The following ANK2 variants were observed in gnomAD, a reference collection of about 807,000 sequenced individuals.
ANK2 encodes the protein ankyrin-2.
Under a neutral mutation model 360.5 loss-of-function variants are expected in ANK2, and 83 were observed. The observed-to-expected ratio is 0.23, with a 90% CI of 0.19 to 0.28. The LOEUF (loss-of-function observed/expected upper bound fraction) is 0.28, where lower values mean the gene tolerates loss of function less well. ANK2 is among the 10% of genes least tolerant of loss of function. ANK2 has a pLI of 1.00. For missense variants in ANK2, 4,201 were observed against 4,795.7 expected (o/e 0.88, Z 3.66); for synonymous variants, 1,740 against 1,759.5 (o/e 0.99, Z 0.28).
At chr4:113,101,970 A>G (rs775517774) in intron 1 of ANK2, among the ~76,000 whole-genome samples, 8 of 152,180 alleles carry the variant, frequency 5.3e-5, no homozygotes, top group Non-Finnish European at 1.2e-4. Flanking sequence ...TCACCGGTGT[A>G]TGGTGAGGAT....
intron 1 of ANK2, among the ~76,000 whole-genome samples, chr4:113,097,880 A>ATG (rs2091867228): frequency 4.1e-5 from 5 of 122,478 alleles, no homozygotes; most frequent in Admixed American, 3.8e-4. Context: ...ATATATGCAC[A>ATG]CACACACACA....
At chr4:113,311,830 G>T (rs535565582) in intron 24 of ANK2, among the ~76,000 whole-genome samples, 88 of 152,244 alleles carry the variant, frequency 5.8e-4, no homozygotes, top group African/African-American at 1.9e-3. Context: ...AAAGTATGTT[G>T]TGAGGCTGAA....
intron 2 of ANK2, among the ~76,000 whole-genome samples, chr4:112,950,315 A>G (rs2154252213): frequency 6.6e-6 from 1 of 152,360 alleles, no homozygotes; most frequent in East Asian, 1.9e-4. Context: ...AAATGGAAAC[A>G]ATTACATACA....
At chr4:112,799,745 T>C in the ANK2 span, among the ~76,000 whole-genome samples, 19 of 151,752 alleles carry the variant, frequency 1.3e-4, no homozygotes, top group Admixed American at 2.6e-4. Context: ...TTGTAACTCT[T>C]GCCTTCAGGT....
chr4:113,054,690 C>CTT (rs1018438505), intron 1 of ANK2, among the ~76,000 whole-genome samples: 3 of 152,216 alleles, frequency 2.0e-5, no homozygotes, highest in African/African-American at 7.2e-5. Flanking sequence ...AAAATACCAA[C>CTT]TTATAACCCA....
At chr4:113,348,168 T>A (rs2095084492) in intron 35 of ANK2, 108 bp from the exon 36 acceptor site, 6 of 1,092,532 alleles carry the variant, frequency 5.5e-6, no homozygotes, top group Non-Finnish European at 7.0e-6. Flanking sequence ...TGCTTGCCTG[T>A]TGATGCTTGT....
intron 1 of ANK2, among the ~76,000 whole-genome samples, chr4:113,114,235 G>T (rs190068838): frequency 2.0e-4 from 30 of 152,162 alleles, no homozygotes; most frequent in African/African-American, 6.5e-4. Flanking sequence ...TGGCCCTCCT[G>T]CCCTTGAGAG....
At chr4:113,208,216 G>T (rs1268966961) in intron 4 of ANK2, among the ~76,000 whole-genome samples, 4 of 151,938 alleles carry the variant, frequency 2.6e-5, no homozygotes, top group Non-Finnish European at 1.5e-5. Flanking sequence ...CAAGTCGAAG[G>T]GAGTCAGGTG....
intron 34 of ANK2, among the ~76,000 whole-genome samples, chr4:113,343,823 T>C (rs2094536370): frequency 6.6e-6 from 1 of 152,224 alleles, no homozygotes; most frequent in Non-Finnish European, 1.5e-5. Flanking sequence ...CTCATTTTTC[T>C]TCTTGTTTCT....
chr4:113,243,896 A>G (rs940256434), intron 9 of ANK2, among the ~76,000 whole-genome samples: 3 of 152,206 alleles, frequency 2.0e-5, no homozygotes, highest in Non-Finnish European at 2.9e-5. Context: ...TGTCTTAAGG[A>G]TGCACATTGC....
intron 1 of ANK2, among the ~76,000 whole-genome samples, chr4:112,860,041 G>A (rs1404275403): frequency 6.6e-6 from 1 of 152,144 alleles, no homozygotes; most frequent in African/African-American, 2.4e-5. Context: ...GATAGCTCTA[G>A]TGAAAGGAGG....
intron 2 of ANK2, among the ~76,000 whole-genome samples, chr4:112,922,836 C>T (rs1344677293): frequency 1.3e-5 from 2 of 152,128 alleles, no homozygotes; most frequent in Non-Finnish European, 1.5e-5. Context: ...TCACTGATAC[C>T]AACCTAGCAA....
chr4:112,831,731 A>G (rs1488536854), intron 1 of ANK2, among the ~76,000 whole-genome samples: 1 of 152,170 alleles, frequency 6.6e-6, no homozygotes, highest in Non-Finnish European at 1.5e-5. Context: ...GCTGATGCTC[A>G]GTCTTTGGGT....
chr4:113,101,998 C>A (rs1204106608), intron 1 of ANK2, among the ~76,000 whole-genome samples: 1 of 152,022 alleles, frequency 6.6e-6, no homozygotes, highest in African/African-American at 2.4e-5. Context: ...CAAAGAGGGT[C>A]CAGCTCATGA....
At chr4:112,882,924 A>G (rs1300843917) in intron 1 of ANK2, among the ~76,000 whole-genome samples, 2 of 145,980 alleles carry the variant, frequency 1.4e-5, no homozygotes, top group African/African-American at 5.0e-5. Flanking sequence ...ACCAGGCTGG[A>G]CTGGCCTATA....
In ANK2 at chr4:113,358,098, G is replaced by T; in HGVS notation, c.9480G>T (p.Glu3160Asp). The change falls in exon 38 of 46, where the codon GAG (glutamate) becomes GAT (aspartate). Residue 3160 changes from glutamate to aspartate, a missense_variant. By Grantham distance (45) the Glu-to-Asp change is conservative. Transcript: ENST00000357077. ...GATGADPLPL[E>D]TSAESLALSE... is the part of the protein sequence containing the mutation. The stretch of plus-strand genomic sequence containing the variant: ...CTGGGGCTGATCCCCTACCGCTGGA[G>T]ACATCAGCTGAATCACTAGCACTTT... 1 of 1,614,092 alleles carries T rather than the reference G, an allele frequency of 6.2e-7. No individual in the cohort carries two copies. Among genetic ancestry groups the T allele is most frequent in the Non-Finnish European group, 8.5e-7 (1 of 1,179,972 alleles).
intron 1 of ANK2, among the ~76,000 whole-genome samples, chr4:113,120,293 T>G (rs1322275399): frequency 2.0e-5 from 3 of 152,200 alleles, no homozygotes; most frequent in Admixed American, 1.3e-4. Context: ...AATATCTCTA[T>G]TCTAATTATT....
intron 42 of ANK2, among the ~76,000 whole-genome samples, chr4:113,369,310 C>A (rs560308654): frequency 2.0e-5 from 3 of 152,158 alleles, no homozygotes; most frequent in Admixed American, 6.5e-5. Flanking sequence ...TCACTCTCTG[C>A]CAGTGCTAGA....
intron 2 of ANK2, among the ~76,000 whole-genome samples, chr4:113,017,407 G>A (rs192426322): frequency 1.3e-5 from 2 of 151,726 alleles, no homozygotes; most frequent in Admixed American, 1.3e-4. Flanking sequence ...CTCCATGCAT[G>A]TCTTTGATAT....
Sources: allele counts gnomAD v4.1 joint callset (sites outside exome capture counted in the v4.1 genomes callset), GRCh38; gene constraint gnomAD v4.1.1; transcripts MANE v1.5; gene names NCBI Gene and HGNC (gene_info 2026-07-23, HGNC 2026-07-21).